EML6: variants seen among roughly 807,000 people sequenced by gnomAD.
EML6 encodes the protein echinoderm microtubule-associated protein-like 6.
A neutral mutation model predicts 240.1 loss-of-function variants in EML6; 154 were observed. That is an observed-to-expected ratio of 0.64 (90% confidence interval 0.56 to 0.73). EML6 has a LOEUF of 0.73. Among genes scored for constraint, EML6 ranks in the 30% least tolerant of loss-of-function variants. EML6 has a pLI of 0.00. For missense variants in EML6, 2,964 were observed against 2,474.6 expected, an observed-to-expected ratio of 1.20 and a Z score of -4.20; for synonymous variants, 1,148 against 899.0, an observed-to-expected ratio of 1.28 and a Z score of -4.95.
intron 13 of EML6, 71 bp from the exon 14 acceptor site, chr2:54,866,695 A>G (rs1335919708): frequency 5.4e-6 from 4 of 744,988 alleles, no homozygotes; most frequent in Non-Finnish European, 8.7e-6. Context: ...TTTTACAAGA[A>G]TGTCAAGATG....
At chr2:54,882,564 G>C (rs756550885) in intron 17 of EML6, 1 of 151,954 alleles carries the variant, frequency 6.6e-6, no homozygotes, top group Non-Finnish European at 1.5e-5. Flanking sequence ...CTGCTAGAAA[G>C]CTTAGGGACA....
intron 16 of EML6, 126 bp from the exon 17 acceptor site, chr2:54,879,421 C>T (rs886848697): frequency 1.5e-6 from 1 of 658,438 alleles, no homozygotes. Context: ...GTCAGGGCAG[C>T]TATCACATCC....
rs376313447 is a variant in EML6, at chr2:54,782,908, A to G, written c.198-30324A>G. Reference sequence around the variant, plus strand: ...TCATTCGTAAAGAGAAGAAAAGGTTAGCACCTAATTTAGGGCTGCTGGGAT... The same window carrying G: ...TCATTCGTAAAGAGAAGAAAAGGTTGGCACCTAATTTAGGGCTGCTGGGAT... On this transcript the variant is annotated intron_variant, in intron 2 of 41. Coordinates refer to ENST00000356458, the MANE Select transcript of EML6 (RefSeq NM_001039753.4). Among the ~76,000 whole-genome samples the G allele has an allele frequency of 3.3e-5, 5 of 152,352 alleles. No homozygotes were observed. The East Asian group carries it at 5.8e-4, about 18-fold the overall frequency.
At chr2:54,949,024 C>A in intron 29 of EML6, 64 bp downstream of exon 29, 1 of 1,181,930 alleles carries the variant, frequency 8.5e-7, no homozygotes, top group Non-Finnish European at 1.2e-6. Flanking sequence ...TAGACATCCC[C>A]ATCTGCACGT....
intron 2 of EML6, among the ~76,000 whole-genome samples, chr2:54,767,638 GTGTGTGTA>G (rs1668240850): frequency 6.6e-6 from 1 of 150,726 alleles, no homozygotes; most frequent in Non-Finnish European, 1.5e-5. Flanking sequence ...GTGTATGTGT[GTGTGTGTA>G]TGTTGCAAAA....
chr2:54,815,763 C>G (rs189482925), intron 3 of EML6, among the ~76,000 whole-genome samples: 9 of 152,218 alleles, frequency 5.9e-5, no homozygotes, highest in Admixed American at 5.2e-4. Flanking sequence ...CTGAAGAATC[C>G]CTGCATAACA....
intron 28 of EML6, among the ~76,000 whole-genome samples, chr2:54,931,083 A>G (rs1002279605): frequency 5.1e-4 from 74 of 145,000 alleles, no homozygotes; most frequent in East Asian, 8.1e-4. Context: ...TCAGCCTCCC[A>G]AGTAGCTGGG....
intron 8 of EML6, among the ~76,000 whole-genome samples, chr2:54,847,284 C>T (rs577322409): frequency 6.6e-6 from 1 of 152,000 alleles, no homozygotes; most frequent in Non-Finnish European, 1.5e-5. Context: ...TGCTGGTTTC[C>T]TTCAAATCAT....
intron 2 of EML6, among the ~76,000 whole-genome samples, chr2:54,776,838 C>T (rs1415835995): frequency 6.6e-6 from 1 of 152,014 alleles, no homozygotes; most frequent in African/African-American, 2.4e-5. Flanking sequence ...CATTTGTATA[C>T]TGGGACCCTG....
At chr2:54,850,572 A>G (rs1670023946) in intron 10 of EML6, among the ~76,000 whole-genome samples, 1 of 120,434 alleles carries the variant, frequency 8.3e-6, no homozygotes, top group Non-Finnish European at 1.9e-5. Context: ...TAAGGATAAG[A>G]GCAAGGAAAA....
In EML6 at chr2:54,741,571, A is replaced by G. The variant is rs1683634754; in HGVS notation, c.197+16313A>G. 2.0e-5 allele frequency among the ~76,000 whole-genome samples: 3 copies of G among 152,228 alleles called. No homozygotes were observed. The South Asian group carries it at 6.2e-4, about 31-fold the overall frequency. ...TCAGTTTCTAAAGACTGTTCTCCAC[A>G]AAAAAGAACAGAACTCCTTGGAGAA... On this transcript the variant is annotated intron_variant, in intron 2 of 41. Coordinates refer to ENST00000356458, the MANE Select transcript of EML6 (RefSeq NM_001039753.4).
chr2:54,968,786 C>G lies in EML6; in HGVS notation c.5852+18C>G. On this transcript the variant is annotated intron_variant, in intron 41 of 41. Coordinates refer to ENST00000356458, the MANE Select transcript of EML6 (RefSeq NM_001039753.4). ...GACTGCAGGTACTAACGTAGCTGAC[C>G]CAGTTCTTACTCCACAGGCCTGGCC... 1 of 1,354,982 alleles carries G rather than the reference C, an allele frequency of 7.4e-7. No homozygotes were observed. Among genetic ancestry groups the G allele is most frequent in the South Asian group, 1.2e-5 (1 of 80,124 alleles). 83.9% of individuals were successfully genotyped at this position (1,354,982 alleles called of 1,614,324 possible).
intron 2 of EML6, among the ~76,000 whole-genome samples, chr2:54,766,855 TGTCTTC>T (rs1668205594): frequency 6.6e-6 from 1 of 152,188 alleles, no homozygotes; most frequent in African/African-American, 2.4e-5. Context: ...ATCTCCTAAT[TGTCTTC>T]GTCATTATAT....
chr2:54,886,157 C>CTTTTTTTTTTTTTTT (rs1558650389), intron 17 of EML6, among the ~76,000 whole-genome samples: 4 of 115,236 alleles, frequency 3.5e-5, no homozygotes, highest in Non-Finnish European at 3.7e-5. Flanking sequence ...TTTTTTTAAC[C>CTTTTTTTTTTTTTTT]TTCTTTTTTT....
At chr2:54,923,993 T>A (rs1347191582) in intron 26 of EML6, among the ~76,000 whole-genome samples, 2 of 152,220 alleles carry the variant, frequency 1.3e-5, no homozygotes, top group Non-Finnish European at 2.9e-5. Context: ...AGAATTCCAT[T>A]GTGTGGATAT....
intron 29 of EML6, among the ~76,000 whole-genome samples, chr2:54,949,850 T>C (rs1450292068): frequency 1.3e-5 from 2 of 152,240 alleles, no homozygotes; most frequent in African/African-American, 4.8e-5. Context: ...CAAGCCCCTG[T>C]GTTGTCATTC....
rs531058864 is a variant in EML6 at position 54,772,797 on chromosome 2, C to A, written c.198-40435C>A. ...CATGTGTTTCTCCCACAGAACACTGCCTTTCTCACACAGGACTGTTAACAG... is the reference window on the plus strand; with the variant it reads ...CATGTGTTTCTCCCACAGAACACTGACTTTCTCACACAGGACTGTTAACAG... On this transcript the variant is annotated intron_variant, in intron 2 of 41. Coordinates refer to ENST00000356458, the MANE Select transcript of EML6 (RefSeq NM_001039753.4). 5.3e-5 allele frequency among the ~76,000 whole-genome samples: 8 copies of A among 152,326 alleles called. No individual in the cohort carries two copies. The East Asian group carries it at 1.5e-3, about 29-fold the overall frequency.
chr2:54,919,523 C>A (rs1327472824), intron 26 of EML6, among the ~76,000 whole-genome samples: 1 of 152,162 alleles, frequency 6.6e-6, no homozygotes, highest in Admixed American at 6.5e-5. Context: ...ACGTTCATTG[C>A]CCATCCCAAA....
intron 11 of EML6, among the ~76,000 whole-genome samples, chr2:54,857,581 G>A (rs895269289): frequency 6.6e-6 from 1 of 152,214 alleles, no homozygotes; most frequent in African/African-American, 2.4e-5. Context: ...ATTGTGAGAA[G>A]TGCTGTGAAG....
Sources: gnomAD v4.1 joint callset for allele counts (sites outside exome capture counted in the v4.1 genomes callset) on GRCh38, gnomAD v4.1.1 for gene constraint, MANE v1.5 for transcripts, NCBI Gene and HGNC (gene_info 2026-07-23, HGNC 2026-07-21) for gene names.